PSAT1: variants seen among roughly 807,000 people sequenced by gnomAD.
The protein encoded by PSAT1 is phosphoserine aminotransferase.
PSAT1 carries 41 observed loss-of-function variants against 40.3 expected under a neutral mutation model. That is an observed-to-expected ratio of 1.02 (90% CI 0.79 to 1.32). The LOEUF is 1.32. Among genes scored for constraint, PSAT1 ranks in the 40% most tolerant of loss-of-function variants. PSAT1 has a pLI of 0.00. For missense variants in PSAT1, 406 were observed against 455.8 expected (o/e 0.89, Z 0.99); for synonymous variants, 147 against 170.5 (o/e 0.86, Z 1.07).
intron 2 of PSAT1, among the ~76,000 whole-genome samples, chr9:78,300,909 T>C (rs1312744448): frequency 6.6e-6 from 1 of 151,974 alleles, no homozygotes; most frequent in East Asian, 1.9e-4. Flanking sequence ...AAAACATTTT[T>C]TAAAGATCCC....
At chr9:78,299,218 A>AAG (rs1261315123) in intron 1 of PSAT1, among the ~76,000 whole-genome samples, 3 of 151,456 alleles carry the variant, frequency 2.0e-5, no homozygotes, top group African/African-American at 7.3e-5. Context: ...CTGGAAAAAA[A>AAG]AAAACCTACT....
At chr9:78,311,481 C>T (rs1203599888) in intron 6 of PSAT1, among the ~76,000 whole-genome samples, 3 of 152,090 alleles carry the variant, frequency 2.0e-5, no homozygotes, top group African/African-American at 7.2e-5. Context: ...TGGGGCAGGG[C>T]AGACAGTCAC....
intron 7 of PSAT1, among the ~76,000 whole-genome samples, chr9:78,319,095 C>G (rs73453065): frequency 0.082 from 12,541 of 152,244 alleles, 1,585 homozygotes; most frequent in African/African-American, 0.27. Context: ...TCTATAGTAA[C>G]AAAAATATCT....
At chr9:78,315,956 A>T (rs935028067) in intron 6 of PSAT1, among the ~76,000 whole-genome samples, 1 of 152,160 alleles carries the variant, frequency 6.6e-6, no homozygotes, top group African/African-American at 2.4e-5. Context: ...GGGATCTTTG[A>T]TTCACACCTC....
Position 78,329,780 on chromosome 9 carries a change from G to A in PSAT1, c.*694G>A, listed in dbSNP as rs1564021631. 3.3e-5 allele frequency: 5 copies of A among 152,130 alleles called. No individual in the cohort carries two copies. The allele number at this position is 152,130 out of a possible 1,614,324, so 9.4% of individuals were successfully genotyped here. The stretch of plus-strand genomic sequence containing the variant: ...GTGCATTATAGCATTCCATTAGCAA[G>A]AGTTGTACCCCCTCCCCAGTCTTCG... On this transcript the variant is annotated 3_prime_UTR_variant, in exon 9 of 9. Transcript: ENST00000376588.
chr9:78,306,839 G>A (rs1828191671), intron 5 of PSAT1, among the ~76,000 whole-genome samples: 3 of 152,168 alleles, frequency 2.0e-5, no homozygotes, highest in Admixed American at 2.0e-4. Context: ...CCTATGTGAG[G>A]GAGCTTCCCC....
chr9:78,315,716 C>T (rs916268038), intron 6 of PSAT1, among the ~76,000 whole-genome samples: 2 of 152,308 alleles, frequency 1.3e-5, no homozygotes, highest in Non-Finnish European at 2.9e-5. Context: ...TTGGCTTTTG[C>T]CAACATGAGC....
At chr9:78,305,801 T>C (rs562691103) in intron 4 of PSAT1, among the ~76,000 whole-genome samples, 1 of 152,338 alleles carries the variant, frequency 6.6e-6, no homozygotes, top group African/African-American at 2.4e-5. Flanking sequence ...AAGAAGAAAC[T>C]ACTAGTCCAT....
Position 78,329,016 on chromosome 9 carries a change from C to G in PSAT1, c.1043C>G (p.Ala348Gly). ...GGCATCCGGGCCTCTCTGTATAATG[C>G]TGTCACAATTGAAGACGTTCAGAAG... is the stretch of plus-strand genomic sequence containing the variant. ...VGGIRASLYN[A>G]VTIEDVQKLA... The change falls in exon 9 of 9, where the codon GCT (alanine) becomes GGT (glycine). Residue 348 changes from alanine (A) to glycine (G), a missense_variant. By Grantham distance (60) the Ala-to-Gly change is moderately conservative. Coordinates refer to ENST00000376588, the MANE Select transcript of PSAT1 (RefSeq NM_058179.4). The G allele has an allele frequency of 6.2e-7, 1 of 1,613,730 alleles. No homozygotes were observed. The highest frequency in any genetic ancestry group is 8.5e-7 in the Non-Finnish European group (1 of 1,179,832).
chr9:78,298,833 A>G (rs950430055), intron 1 of PSAT1, among the ~76,000 whole-genome samples: 6 of 152,182 alleles, frequency 3.9e-5, no homozygotes, highest in South Asian at 2.1e-4. Flanking sequence ...TGTAACCTAC[A>G]GTGAAAAACA....
intron 8 of PSAT1, among the ~76,000 whole-genome samples, chr9:78,328,577 AAATGTCCTCACATGAGAATAGCAGCAGGG>A (rs1828534225): frequency 6.6e-6 from 1 of 152,220 alleles, no homozygotes; most frequent in Non-Finnish European, 1.5e-5. Context: ...TATGAAAAAT[AAATGTCCTCACATGAGAATAGCAGCAGGG>A]AATGTCCTCA....
intron 1 of PSAT1, among the ~76,000 whole-genome samples, chr9:78,297,699 G>A (rs1404017653): frequency 1.3e-5 from 2 of 152,242 alleles, no homozygotes; most frequent in African/African-American, 4.8e-5. Context: ...TGGAGCGGAT[G>A]CATGAATGGA....
chr9:78,305,279 T>C (rs1384357564), intron 4 of PSAT1, among the ~76,000 whole-genome samples: 1 of 152,148 alleles, frequency 6.6e-6, no homozygotes. Context: ...CACGCCTGGC[T>C]AATTTTTGTA....
intron 5 of PSAT1, among the ~76,000 whole-genome samples, chr9:78,308,146 T>C (rs1361152196): frequency 6.6e-6 from 1 of 152,114 alleles, no homozygotes; most frequent in Non-Finnish European, 1.5e-5. Flanking sequence ...GCAGAGCGAA[T>C]GTGAATATGT....
chr9:78,323,208 C>T (rs1166734013), intron 7 of PSAT1, among the ~76,000 whole-genome samples: 4 of 152,100 alleles, frequency 2.6e-5, no homozygotes, highest in Non-Finnish European at 5.9e-5. Flanking sequence ...GGGAAGATGA[C>T]TGTGTTATGT....
chr9:78,322,775 A>G (rs1285133217), intron 7 of PSAT1, among the ~76,000 whole-genome samples: 1 of 152,206 alleles, frequency 6.6e-6, no homozygotes, highest in Non-Finnish European at 1.5e-5. Flanking sequence ...TCATAGACAA[A>G]TGGAAAGATG....
Position 78,326,955 on chromosome 9 carries a change from A to ATTTTTTTTTTTT in PSAT1, c.870-1089_870-1078dup, listed in dbSNP as rs1554688170. 1.6e-3 allele frequency among the ~76,000 whole-genome samples: 123 copies of ATTTTTTTTTTTT among 75,914 alleles called. 1 individual carries two copies. The highest frequency in any genetic ancestry group is 2.0e-3 in the Admixed American group (11 of 5,466). 49.8% of individuals were successfully genotyped at this position (75,914 alleles called of 152,430 possible). On this transcript the variant is annotated intron_variant, in intron 7 of 8. Coordinates refer to ENST00000376588, the MANE Select transcript of PSAT1 (RefSeq NM_058179.4). ...CAGCAATATATATATATATATATAT[A>ATTTTTTTTTTTT]TTTTTTTTTTTTTTTTTTGAGACAG...
At chr9:78,309,062 C>A (rs933567181) in intron 6 of PSAT1, among the ~76,000 whole-genome samples, 1 of 152,208 alleles carries the variant, frequency 6.6e-6, no homozygotes, top group Non-Finnish European at 1.5e-5. Context: ...CTATCAGATT[C>A]TCTGCCCAGC....
At chr9:78,303,771 C>T (rs1828141164) in intron 3 of PSAT1, among the ~76,000 whole-genome samples, 1 of 152,148 alleles carries the variant, frequency 6.6e-6, no homozygotes, top group South Asian at 2.1e-4. Flanking sequence ...TGCCACATTG[C>T]CCTGCCCTTT....
Sources: gnomAD v4.1 joint callset for allele counts (sites outside exome capture counted in the v4.1 genomes callset) on GRCh38, gnomAD v4.1.1 for gene constraint, MANE v1.5 for transcripts, NCBI Gene and HGNC (gene_info 2026-07-23, HGNC 2026-07-21) for gene names.